The following DCC variants were observed in gnomAD, a reference collection of about 807,000 sequenced individuals.
DCC encodes the protein netrin receptor DCC.
DCC carries 58 observed loss-of-function variants against 172.5 expected under a neutral mutation model. That is an observed-to-expected ratio of 0.34 (90% CI 0.27 to 0.42). The LOEUF is 0.42. DCC is among the 10% of genes least tolerant of loss of function. The pLI is 1.00. For missense variants in DCC, 1,740 were observed against 1,791.0 expected (o/e 0.97, Z 0.51); for synonymous variants, 709 against 644.5 (o/e 1.10, Z -1.52).
Position 52,667,690 on chromosome 18 carries a change from G to T in DCC, c.92-84364G>T, listed in dbSNP as rs184195966. ...TGCATAACAGCCCCTGGCTTTGGGA[G>T]GGTCCAGGCTTACCAACTGCTTCCC... On this transcript the variant is annotated intron_variant, in intron 1 of 28. Transcript: ENST00000442544. Among the ~76,000 whole-genome samples the T allele has an allele frequency of 3.2e-4, 49 of 152,328 alleles. No individual in the cohort carries two copies. The East Asian group carries it at 9.3e-3, about 29-fold the overall frequency.
At chr18:53,085,957 CTCTTCTTCTTCTTCT>C (rs747047237) in intron 7 of DCC, among the ~76,000 whole-genome samples, 2 of 65,882 alleles carry the variant, frequency 3.0e-5, no homozygotes, top group South Asian at 3.4e-4. Context: ...GGAGTATTTT[CTCTTCTTCTTCTTCT>C]TCTTCTTCTT....
intron 1 of DCC, among the ~76,000 whole-genome samples, chr18:52,471,893 T>C (rs1005714768): frequency 1.3e-5 from 2 of 152,304 alleles, no homozygotes; most frequent in Admixed American, 1.3e-4. Flanking sequence ...TTCTGTCTTA[T>C]GTGAAGGGCA....
intron 2 of DCC, among the ~76,000 whole-genome samples, chr18:52,810,776 C>A (rs1318082378): frequency 6.6e-6 from 1 of 152,136 alleles, no homozygotes; most frequent in Non-Finnish European, 1.5e-5. Context: ...GAAAGCACAC[C>A]AAATGGAAGA....
intron 2 of DCC, among the ~76,000 whole-genome samples, chr18:52,846,772 A>T (rs549594006): frequency 6.6e-6 from 1 of 152,128 alleles, no homozygotes; most frequent in Admixed American, 6.6e-5. Context: ...CTGAGCTTCA[A>T]CTGGAAAAAG....
At chr18:52,359,922 C>T (rs1984545563) in intron 1 of DCC, among the ~76,000 whole-genome samples, 1 of 152,098 alleles carries the variant, frequency 6.6e-6, no homozygotes, top group South Asian at 2.1e-4. Flanking sequence ...TTTTTCCATG[C>T]CTCCATGCTA....
chr18:53,093,017 T>C (rs1008070583), intron 7 of DCC, among the ~76,000 whole-genome samples: 1 of 152,170 alleles, frequency 6.6e-6, no homozygotes, highest in Non-Finnish European at 1.5e-5. Context: ...ATGCTTATAA[T>C]CCCAGCACTT....
At chr18:52,575,635 C>A (rs920819033) in intron 1 of DCC, among the ~76,000 whole-genome samples, 32 of 152,070 alleles carry the variant, frequency 2.1e-4, no homozygotes, top group Admixed American at 1.9e-3. Context: ...AAATCGCACT[C>A]ATAGTGTGAT....
chr18:52,362,922 A>T (rs1188237383), intron 1 of DCC, among the ~76,000 whole-genome samples: 1 of 151,908 alleles, frequency 6.6e-6, no homozygotes, highest in African/African-American at 2.4e-5. Context: ...TCTTTATGAC[A>T]GAGTCTTGCT....
At chr18:52,774,802 C>G (rs1323379595) in intron 2 of DCC, among the ~76,000 whole-genome samples, 1 of 152,070 alleles carries the variant, frequency 6.6e-6, no homozygotes, top group African/African-American at 2.4e-5. Context: ...CTGCGGCTGT[C>G]GAGGTGAAGG....
intron 1 of DCC, among the ~76,000 whole-genome samples, chr18:52,547,588 T>C (rs2032652406): frequency 6.6e-6 from 1 of 152,138 alleles, no homozygotes; most frequent in African/African-American, 2.4e-5. Context: ...ATGAGTTGTT[T>C]AGACATTTGA....
At chr18:53,335,949 G>A (rs545855058) in intron 14 of DCC, among the ~76,000 whole-genome samples, 3 of 152,216 alleles carry the variant, frequency 2.0e-5, no homozygotes, top group South Asian at 4.1e-4. Context: ...CACGATAATA[G>A]CACAGGAAAG....
At chr18:52,998,904 A>C (rs1331462194) in intron 5 of DCC, among the ~76,000 whole-genome samples, 1 of 152,102 alleles carries the variant, frequency 6.6e-6, no homozygotes, top group Admixed American at 6.6e-5. Context: ...GGAAGCAAGT[A>C]CTAGCCTTAA....
At chr18:53,303,074 A>T (rs140446018) in intron 12 of DCC, among the ~76,000 whole-genome samples, 124 of 151,748 alleles carry the variant, frequency 8.2e-4, no homozygotes, top group African/African-American at 2.9e-3. Flanking sequence ...TCTACCTTTT[A>T]TTTTTCCTGC....
chr18:52,912,438 C>A (rs761106205), intron 3 of DCC, among the ~76,000 whole-genome samples: 1 of 152,010 alleles, frequency 6.6e-6, no homozygotes, highest in African/African-American at 2.4e-5. Flanking sequence ...AATTTGTCTA[C>A]TGGTAGTTCA....
intron 1 of DCC, among the ~76,000 whole-genome samples, chr18:52,666,057 G>A (rs181866652): frequency 6.6e-6 from 1 of 152,250 alleles, no homozygotes; most frequent in African/African-American, 2.4e-5. Context: ...GAGAGACCTA[G>A]GCAGGCAGAT....
chr18:53,511,088 T>G (rs1022497458), intron 27 of DCC, among the ~76,000 whole-genome samples: 9 of 152,252 alleles, frequency 5.9e-5, no homozygotes, highest in African/African-American at 2.2e-4. Context: ...GCTTTAAAAG[T>G]TCTATTTTAA....
At chr18:53,368,433 A>G (rs2058028186) in intron 15 of DCC, among the ~76,000 whole-genome samples, 1 of 151,498 alleles carries the variant, frequency 6.6e-6, no homozygotes, top group African/African-American at 2.4e-5. Flanking sequence ...ATGTTTTTAA[A>G]TTTTATGAAG....
intron 5 of DCC, among the ~76,000 whole-genome samples, chr18:53,060,630 A>T (rs1158731110): frequency 6.6e-6 from 1 of 152,132 alleles, no homozygotes; most frequent in Non-Finnish European, 1.5e-5. Context: ...AATACGGCTA[A>T]ATCAGATTAT....
chr18:53,400,635 A>G (rs1341164110), intron 18 of DCC, among the ~76,000 whole-genome samples: 6 of 152,142 alleles, frequency 3.9e-5, no homozygotes, highest in Admixed American at 1.3e-4. Flanking sequence ...AGTTCACATA[A>G]TAATGCTAGA....
Sources: gnomAD v4.1 joint callset for allele counts (sites outside exome capture counted in the v4.1 genomes callset) on GRCh38, gnomAD v4.1.1 for gene constraint, MANE v1.5 for transcripts, NCBI Gene and HGNC (gene_info 2026-07-23, HGNC 2026-07-21) for gene names.